FOXP2: variants seen among roughly 807,000 people sequenced by gnomAD.
The protein encoded by FOXP2 is forkhead box P2.
A neutral mutation model predicts 115.8 loss-of-function variants in FOXP2; 12 were observed. That is an observed-to-expected ratio of 0.10 (90% confidence interval 0.07 to 0.17). The LOEUF is 0.17. Among genes scored for constraint, FOXP2 ranks in the 10% least tolerant of loss-of-function variants. The pLI is 1.00. For synonymous variants in FOXP2, 328 were observed against 297.7 expected (o/e 1.10, Z -1.05); for missense variants, 629 against 843.5 (o/e 0.75, Z 3.15).
At chr7:114,362,779 ATTAC>A (rs144251904) in intron 2 of FOXP2, among the ~76,000 whole-genome samples, 3,844 of 152,230 alleles carry the variant, frequency 0.025, 79 homozygotes, top group South Asian at 0.1. Flanking sequence ...TAAAGATATA[ATTAC>A]TTCTGATTAT....
chr7:114,650,613 C>T (rs373359763), intron 8 of FOXP2, among the ~76,000 whole-genome samples: 2 of 151,948 alleles, frequency 1.3e-5, no homozygotes, highest in Admixed American at 6.6e-5. Context: ...GTTAACTAAC[C>T]TCTGGCTTAC....
intron 3 of FOXP2, among the ~76,000 whole-genome samples, chr7:114,577,206 T>A (rs965892415): frequency 2.0e-5 from 3 of 151,958 alleles, no homozygotes; most frequent in Non-Finnish European, 4.4e-5. Flanking sequence ...TTTTAAAATA[T>A]AAATTTCAAT....
intron 1 of FOXP2, among the ~76,000 whole-genome samples, chr7:114,201,443 C>T (rs1355148223): frequency 1.3e-5 from 2 of 152,124 alleles, no homozygotes; most frequent in African/African-American, 2.4e-5. Flanking sequence ...GTCTGGGCAA[C>T]AGAGTGAGAC....
intron 2 of FOXP2, among the ~76,000 whole-genome samples, chr7:114,391,241 C>T (rs1017226682): frequency 2.6e-5 from 4 of 152,080 alleles, no homozygotes; most frequent in Admixed American, 1.3e-4. Context: ...TCTGGCAACA[C>T]TAAGCCCACA....
rs76741174 is a variant in FOXP2, at chr7:114,598,471, G to C, written c.259-30069G>C. Among the ~76,000 whole-genome samples, 528 of 152,190 alleles carry C rather than the reference G, an allele frequency of 3.5e-3. 2 individuals are homozygous for C. The highest frequency in any genetic ancestry group is 0.012 in the African/African-American group (508 of 41,536). ...AATTTTGCTCAGCGTAGAGTGGAGG[G>C]AGTTGAAGTTTCTCTAATGGTGGGC... is the stretch of plus-strand genomic sequence containing the variant. On this transcript the variant is annotated intron_variant, in intron 3 of 16. Coordinates refer to ENST00000350908, the MANE Select transcript of FOXP2 (RefSeq NM_014491.4).
chr7:114,243,099 T>A (rs1043428879), intron 1 of FOXP2, among the ~76,000 whole-genome samples: 1 of 152,040 alleles, frequency 6.6e-6, no homozygotes, highest in Admixed American at 6.6e-5. Context: ...TTTTCTGAAT[T>A]TCTTAGGGGA....
At chr7:114,216,415 A>G (rs186971713) in intron 1 of FOXP2, among the ~76,000 whole-genome samples, 2 of 152,286 alleles carry the variant, frequency 1.3e-5, no homozygotes, top group Admixed American at 1.3e-4. Flanking sequence ...GGTAGTTGAC[A>G]CTGAACTGAT....
chr7:114,381,141 G>A (rs6972929), intron 2 of FOXP2, among the ~76,000 whole-genome samples: 55,008 of 152,092 alleles, frequency 0.36, 10,545 homozygotes, highest in African/African-American at 0.43. Flanking sequence ...GCAGAAACCT[G>A]TTATGCCAAG....
chr7:114,244,665 A>G (rs1795233880), intron 1 of FOXP2, among the ~76,000 whole-genome samples: 1 of 152,126 alleles, frequency 6.6e-6, no homozygotes, highest in Admixed American at 6.5e-5. Flanking sequence ...ATTTATTCTT[A>G]TAAAGTTGAT....
chr7:114,564,860 A>G (rs1034699589), intron 3 of FOXP2, among the ~76,000 whole-genome samples: 35 of 150,206 alleles, frequency 2.3e-4, no homozygotes, highest in Admixed American at 4.0e-4. Flanking sequence ...CAGCCTTGGC[A>G]ACAGAGCAAG....
At chr7:114,226,215 C>A (rs967755891) in intron 1 of FOXP2, among the ~76,000 whole-genome samples, 1 of 152,148 alleles carries the variant, frequency 6.6e-6, no homozygotes, top group African/African-American at 2.4e-5. Flanking sequence ...TTAATAAATT[C>A]TATTTTGAAT....
intron 2 of FOXP2, among the ~76,000 whole-genome samples, chr7:114,297,835 G>A (rs1180357828): frequency 6.6e-6 from 1 of 152,158 alleles, no homozygotes; most frequent in African/African-American, 2.4e-5. Flanking sequence ...TTGTCACATT[G>A]TAGTTTTTCC....
rs560455909 is a variant in FOXP2, at chr7:114,639,989, C to G, written c.776-2421C>G. Among the ~76,000 whole-genome samples, 9 of 152,162 alleles carry G rather than the reference C, an allele frequency of 5.9e-5. No individual in the cohort carries two copies. The South Asian group carries it at 1.9e-3, about 32-fold the overall frequency. On this transcript the variant is annotated intron_variant, in intron 6 of 16. Transcript: ENST00000350908. The stretch of plus-strand genomic sequence containing the variant: ...TTGGATACTCCATGAAGAGTAAATT[C>G]ATATATTCAAGGCAAGGTAATAGCA...
chr7:114,363,272 A>G (rs1791794687), intron 2 of FOXP2, among the ~76,000 whole-genome samples: 1 of 152,120 alleles, frequency 6.6e-6, no homozygotes, highest in South Asian at 2.1e-4. Context: ...ATTAATTACA[A>G]TGAAAGATAA....
intron 1 of FOXP2, among the ~76,000 whole-genome samples, chr7:114,172,932 TA>T (rs1793185507): frequency 6.6e-6 from 1 of 152,128 alleles, no homozygotes. Context: ...AGGAAAGTGC[TA>T]ATGTCCATAG....
At chr7:114,526,873 T>C (rs972063520) in intron 2 of FOXP2, among the ~76,000 whole-genome samples, 1 of 152,120 alleles carries the variant, frequency 6.6e-6, no homozygotes, top group African/African-American at 2.4e-5. Flanking sequence ...ACTAGGTTGT[T>C]CAACTATCAC....
intron 1 of FOXP2, among the ~76,000 whole-genome samples, chr7:114,199,513 G>A (rs950517688): frequency 1.2e-4 from 19 of 152,162 alleles, no homozygotes; most frequent in African/African-American, 4.6e-4. Flanking sequence ...TAGAAAGGGA[G>A]CAGAGCTAAG....
chr7:114,430,979 A>AT (rs1794081504), intron 2 of FOXP2, among the ~76,000 whole-genome samples: 3 of 151,974 alleles, frequency 2.0e-5, no homozygotes, highest in Non-Finnish European at 2.9e-5. Context: ...TTCTATTAAC[A>AT]CTTTTTTCAT....
intron 2 of FOXP2, among the ~76,000 whole-genome samples, chr7:114,300,034 TCA>T (rs141011790): frequency 9.1e-5 from 13 of 142,208 alleles, no homozygotes; most frequent in East Asian, 1.9e-4. Context: ...TTACACACAC[TCA>T]CACACACACA....
Sources: gnomAD v4.1 joint callset for allele counts (sites outside exome capture counted in the v4.1 genomes callset) on GRCh38, gnomAD v4.1.1 for gene constraint, MANE v1.5 for transcripts, NCBI Gene and HGNC (gene_info 2026-07-23, HGNC 2026-07-21) for gene names.